MFHAS1: variants seen among roughly 807,000 people sequenced by gnomAD.
MFHAS1 encodes the protein multifunctional ROCO family signaling regulator 1.
A neutral mutation model predicts 70.4 loss-of-function variants in MFHAS1; 50 were observed. That is an observed-to-expected ratio of 0.71 (90% confidence interval 0.57 to 0.90). The LOEUF is 0.90. MFHAS1 is among the 40% of genes least tolerant of loss of function. MFHAS1 has a pLI of 0.00. For synonymous variants in MFHAS1, 952 were observed against 620.0 expected (o/e 1.54, Z -7.96); for missense variants, 1,795 against 1,347.6 (o/e 1.33, Z -5.20).
At chr8:8,786,907 C>T (rs562395961) in intron 2 of MFHAS1, among the ~76,000 whole-genome samples, 3 of 151,714 alleles carry the variant, frequency 2.0e-5, no homozygotes, top group South Asian at 2.1e-4. Context: ...ATGATAATAA[C>T]GACATCACCA....
In MFHAS1 at chr8:8,784,426, A is replaced by T. The variant is rs1012231062; in HGVS notation, c.*1596T>A. ...CTATTCAAGTATTAAAAAAATGCAA[A>T]CATCGTCTGATCCCATTCGATTTTT... On this transcript the variant is annotated 3_prime_UTR_variant, in exon 3 of 3. Transcript: ENST00000276282. The T allele has an allele frequency of 1.3e-5, 2 of 152,192 alleles. No individual in the cohort carries two copies. Among genetic ancestry groups the T allele is most frequent in the Non-Finnish European group, 2.9e-5 (2 of 68,044 alleles). The allele number at this position is 152,192 out of a possible 1,614,324, so 9.4% of individuals were successfully genotyped here.
chr8:8,820,028 A>C (rs1806895688), intron 1 of MFHAS1, among the ~76,000 whole-genome samples: 1 of 152,192 alleles, frequency 6.6e-6, no homozygotes, highest in Non-Finnish European at 1.5e-5. Context: ...CACAAAACTT[A>C]AAATAAACAA....
chr8:8,785,944 AG>A lies in MFHAS1; in HGVS notation c.*77del. 1 of 1,453,708 alleles carries A rather than the reference AG, an allele frequency of 6.9e-7. No homozygotes were observed. The highest frequency in any genetic ancestry group is 9.7e-7 in the Non-Finnish European group (1 of 1,035,842). The allele number at this position is 1,453,708 out of a possible 1,614,324, so 90.1% of individuals were successfully genotyped here. A position where few individuals can be genotyped will look rare whatever the true frequency, so the allele number is the denominator to read the frequency against. ...ACAGAACACGCTGGGGTGAGTGCAGAGGGTCTGCCAGGTGCAAAAGATGGTC... is the reference window on the plus strand; with the variant it reads ...ACAGAACACGCTGGGGTGAGTGCAGAGGTCTGCCAGGTGCAAAAGATGGTC... On this transcript the variant is annotated 3_prime_UTR_variant, in exon 3 of 3. Transcript: ENST00000276282.
At chr8:8,840,258 G>A (rs895339983) in intron 1 of MFHAS1, among the ~76,000 whole-genome samples, 4 of 151,984 alleles carry the variant, frequency 2.6e-5, no homozygotes, top group Non-Finnish European at 5.9e-5. Flanking sequence ...GGAGTTTCAG[G>A]CTAGCCTGGC....
In MFHAS1 at chr8:8,816,621, T is replaced by G. The variant is rs569456901; in HGVS notation, c.2999-19130A>C. 4.6e-5 allele frequency among the ~76,000 whole-genome samples: 7 copies of G among 152,326 alleles called. 1 individual carries two copies. In the South Asian group the frequency reaches 1.4e-3, roughly 32 times the overall value. On this transcript the variant is annotated intron_variant, in intron 1 of 2. Coordinates refer to ENST00000276282, the MANE Select transcript of MFHAS1 (RefSeq NM_004225.3). The stretch of plus-strand genomic sequence containing the variant: ...GGTAAAAGAAAAAAAGTATATTCTA[T>G]GAGATGAAATTCAAGCTGAAGCTCT...
chr8:8,834,162 C>T lies in MFHAS1; in HGVS notation c.2999-36671G>A, dbSNP rs371746656. 1.4e-3 allele frequency among the ~76,000 whole-genome samples: 207 copies of T among 151,928 alleles called. 1 individual carries two copies. Among genetic ancestry groups the T allele is most frequent in the African/African-American group, 4.8e-3 (198 of 41,422 alleles). On this transcript the variant is annotated intron_variant, in intron 1 of 2. Coordinates refer to ENST00000276282, the MANE Select transcript of MFHAS1 (RefSeq NM_004225.3). ...AAAACAAAACAAACAAACAAACAAA[C>T]AAAAAACAGGAACAGACTACTGTCA...
chr8:8,870,066 GA>G (rs939156140), intron 1 of MFHAS1, among the ~76,000 whole-genome samples: 47 of 151,996 alleles, frequency 3.1e-4, no homozygotes, highest in African/African-American at 1.1e-3. Context: ...CTCACCCTCT[GA>G]AAAAAACCAT....
intron 1 of MFHAS1, among the ~76,000 whole-genome samples, chr8:8,827,267 T>A (rs1470901497): frequency 6.6e-6 from 1 of 152,250 alleles, no homozygotes; most frequent in Non-Finnish European, 1.5e-5. Flanking sequence ...TAGTTATTTT[T>A]GTGTACATGC....
At chr8:8,879,598 G>A (rs767337258) in intron 1 of MFHAS1, among the ~76,000 whole-genome samples, 1 of 152,134 alleles carries the variant, frequency 6.6e-6, no homozygotes, top group South Asian at 2.1e-4. Flanking sequence ...GGCCTGCTTT[G>A]CTCAGTAGGA....
intron 1 of MFHAS1, among the ~76,000 whole-genome samples, chr8:8,822,662 G>A (rs1333133583): frequency 6.7e-6 from 1 of 149,842 alleles, no homozygotes; most frequent in East Asian, 2.0e-4. Context: ...CCAAGTCAGG[G>A]GGACTGAGAC....
intron 1 of MFHAS1, among the ~76,000 whole-genome samples, chr8:8,849,506 T>G (rs1477149948): frequency 6.6e-6 from 1 of 152,214 alleles, no homozygotes; most frequent in East Asian, 1.9e-4. Context: ...CGTGTGTGTA[T>G]TCTGTGTCAG....
At chr8:8,804,207 C>T (rs1181246062) in intron 1 of MFHAS1, among the ~76,000 whole-genome samples, 1 of 152,128 alleles carries the variant, frequency 6.6e-6, no homozygotes, top group East Asian at 1.9e-4. Flanking sequence ...CAAAAACTTA[C>T]ACCATCAAAA....
chr8:8,841,555 G>A (rs189296424), intron 1 of MFHAS1, among the ~76,000 whole-genome samples: 2 of 152,300 alleles, frequency 1.3e-5, no homozygotes, highest in East Asian at 1.9e-4. Flanking sequence ...AAGCAAACAT[G>A]CTGAATGTAA....
intron 1 of MFHAS1, among the ~76,000 whole-genome samples, chr8:8,825,325 A>C (rs893542344): frequency 3.3e-5 from 5 of 152,198 alleles, no homozygotes; most frequent in Non-Finnish European, 5.9e-5. Flanking sequence ...GGTGTGCGTC[A>C]CCACACTCAG....
rs1174876088 is a variant in MFHAS1 at position 8,823,848 on chromosome 8, T to C, written c.2999-26357A>G. 4.3e-5 allele frequency among the ~76,000 whole-genome samples: 6 copies of C among 138,548 alleles called. No individual in the cohort carries two copies. In the South Asian group the frequency reaches 1.9e-3, roughly 43 times the overall value. The allele number at this position is 138,548 out of a possible 152,430, so 90.9% of individuals were successfully genotyped here. On this transcript the variant is annotated intron_variant, in intron 1 of 2. Coordinates refer to ENST00000276282, the MANE Select transcript of MFHAS1 (RefSeq NM_004225.3). Reference sequence around the variant, plus strand: ...GAATCTCGCCTCTCAGAGATGTGCCTGTCTCCATGCGCTTCAAAGATCTTA... The same window carrying C: ...GAATCTCGCCTCTCAGAGATGTGCCCGTCTCCATGCGCTTCAAAGATCTTA...
intron 1 of MFHAS1, among the ~76,000 whole-genome samples, chr8:8,828,715 C>A (rs996131953): frequency 6.6e-6 from 1 of 152,222 alleles, no homozygotes; most frequent in African/African-American, 2.4e-5. Flanking sequence ...GTAATGCGGG[C>A]AAGGCCCACG....
chr8:8,787,551 A>G (rs1805594832), intron 2 of MFHAS1, among the ~76,000 whole-genome samples: 1 of 152,184 alleles, frequency 6.6e-6, no homozygotes, highest in African/African-American at 2.4e-5. Flanking sequence ...TTTCTAAGGC[A>G]CTCTGCCACG....
intron 1 of MFHAS1, among the ~76,000 whole-genome samples, chr8:8,872,099 G>C (rs1229147592): frequency 7.9e-5 from 12 of 152,320 alleles, no homozygotes; most frequent in Admixed American, 7.2e-4. Context: ...ATTATAAAAC[G>C]ATCTGTGTAA....
chr8:8,816,193 G>A (rs1426119307), intron 1 of MFHAS1, among the ~76,000 whole-genome samples: 3 of 152,178 alleles, frequency 2.0e-5, no homozygotes, highest in Non-Finnish European at 2.9e-5. Context: ...CAAGGAGTGA[G>A]GGTGATGGAC....
Sources: gnomAD v4.1 joint callset for allele counts (sites outside exome capture counted in the v4.1 genomes callset) on GRCh38, gnomAD v4.1.1 for gene constraint, MANE v1.5 for transcripts, NCBI Gene and HGNC (gene_info 2026-07-23, HGNC 2026-07-21) for gene names.